The following OPTN variants were observed in gnomAD, a reference collection of about 807,000 sequenced individuals.
OPTN encodes optineurin.
OPTN carries 54 observed loss-of-function variants against 70.4 expected under a neutral mutation model. The ratio of observed to expected loss-of-function variants is 0.77; its 90% confidence interval spans 0.62 to 0.96. The LOEUF (loss-of-function observed/expected upper bound fraction) is 0.96. Ranked by LOEUF, OPTN falls within the 40% of genes least tolerant of loss-of-function variation. The probability of loss-of-function intolerance (pLI) is 0.00; values close to 1 mark genes in which losing one functional copy is unlikely to be tolerated. For synonymous variants in OPTN, 256 were observed against 248.5 expected (o/e 1.03, Z -0.28); for missense variants, 624 against 673.2 (o/e 0.93, Z 0.81).
In OPTN at chr10:13,117,372, G is replaced by A. The variant is rs1338123473; in HGVS notation, c.626+1032G>A. Among the ~76,000 whole-genome samples the A allele has an allele frequency of 7.5e-5, 11 of 147,062 alleles. No homozygotes were observed. The South Asian group carries it at 1.5e-3, about 20-fold the overall frequency. ...TGGGATTACAGGCATGAGCCACCGC[G>A]CCCGGCCAGGATCTCTTATCTCACA... On this transcript the variant is annotated intron_variant, in intron 6 of 14. Coordinates refer to ENST00000378747, the MANE Select transcript of OPTN (RefSeq NM_001008212.2).
chr10:13,124,292 G>A (rs1042900468), intron 9 of OPTN, among the ~76,000 whole-genome samples, 182 bp downstream of exon 9: 7 of 152,230 alleles, frequency 4.6e-5, no homozygotes, highest in Admixed American at 3.3e-4. Flanking sequence ...ATACTTGTAA[G>A]ATGGGGGGTT....
Position 13,125,299 on chromosome 10 carries a change from C to T in OPTN, c.999-119C>T, listed in dbSNP as rs12416463. On this transcript the variant is annotated intron_variant, in intron 9 of 14. Transcript: ENST00000378747. ...AAGGAGGATTATGTATTTCATTTTG[C>T]ATTCATAAACCCTACAGCCCTAAAA... 6.1e-3 allele frequency: 6,516 copies of T among 1,061,252 alleles called. 297 individuals carry two copies. The Admixed American group carries it at 0.088, about 14-fold the overall frequency. 65.7% of individuals were successfully genotyped at this position (1,061,252 alleles called of 1,614,324 possible).
At chr10:13,116,373 A>G in intron 6 of OPTN, 33 bp downstream of exon 6, 2 of 1,542,590 alleles carry the variant, frequency 1.3e-6, no homozygotes, top group Non-Finnish European at 1.8e-6. Context: ...TGTCAGGCAG[A>G]CAGGCTGGGC....
At chr10:13,104,235 GTTAAA>G (rs1030185241) in intron 1 of OPTN, among the ~76,000 whole-genome samples, 13 of 145,532 alleles carry the variant, frequency 8.9e-5, no homozygotes, top group Admixed American at 2.1e-4. Flanking sequence ...TCCAAAATCA[GTTAAA>G]TTAGTTTTTT....
intron 4 of OPTN, among the ~76,000 whole-genome samples, chr10:13,111,813 C>CCTTAGT (rs1471980425): frequency 1.2e-4 from 18 of 149,092 alleles, no homozygotes; most frequent in Admixed American, 6.0e-4. Context: ...ATGGCCAGGT[C>CCTTAGT]CTTAGTTTGA....
At chr10:13,109,436 A>T (rs755019334) in intron 3 of OPTN, 148 bp downstream of exon 3, 1 of 734,834 alleles carries the variant, frequency 1.4e-6, no homozygotes, top group Non-Finnish European at 2.3e-6. Context: ...GCATTTGGCA[A>T]GGCTAAATCT....
intron 14 of OPTN, 89 bp downstream of exon 14, chr10:13,133,670 G>A (rs1833638687): frequency 1.6e-6 from 2 of 1,214,384 alleles, no homozygotes; most frequent in African/African-American, 1.5e-5. Context: ...TCTCTACAAT[G>A]GATTCCAAAT....
At chr10:13,113,754 A>G (rs1316003447) in intron 5 of OPTN, among the ~76,000 whole-genome samples, 1 of 152,202 alleles carries the variant, frequency 6.6e-6, no homozygotes, top group Non-Finnish European at 1.5e-5. Flanking sequence ...CAGAGTACAT[A>G]TCTGATACAG....
intron 12 of OPTN, 67 bp downstream of exon 12, chr10:13,127,970 A>G: frequency 6.6e-7 from 1 of 1,518,514 alleles, no homozygotes; most frequent in Non-Finnish European, 9.1e-7. Context: ...ATTGGAAAGC[A>G]ATGGTGTTTA....
In OPTN at chr10:13,123,208, T is replaced by C. The variant is rs182523334; in HGVS notation, c.882+721T>C. On this transcript the variant is annotated intron_variant, in intron 8 of 14. Coordinates refer to ENST00000378747, the MANE Select transcript of OPTN (RefSeq NM_001008212.2). Reference sequence around the variant, plus strand: ...TAGTTTGAAAGGAAAAGGTTCACTGTTGTCTTGTTCAGTGTTGTCTGGTAA... The same window carrying C: ...TAGTTTGAAAGGAAAAGGTTCACTGCTGTCTTGTTCAGTGTTGTCTGGTAA... 2.0e-5 allele frequency: 3 copies of C among 153,692 alleles called. No homozygotes were observed. The East Asian group carries it at 5.8e-4, about 30-fold the overall frequency. 9.5% of individuals were successfully genotyped at this position (153,692 alleles called of 1,614,324 possible). A position where few individuals can be genotyped will look rare whatever the true frequency, so the allele number is the denominator to read the frequency against.
chr10:13,118,426 A>C (rs1833267000), intron 6 of OPTN, among the ~76,000 whole-genome samples: 1 of 152,206 alleles, frequency 6.6e-6, no homozygotes, highest in Non-Finnish European at 1.5e-5. Context: ...CAAGTGAAAA[A>C]GGTTTTCTCC....
intron 14 of OPTN, among the ~76,000 whole-genome samples, chr10:13,134,707 C>T (rs551371108): frequency 1.3e-5 from 2 of 151,974 alleles, no homozygotes; most frequent in African/African-American, 2.4e-5. Flanking sequence ...GGATTACAGG[C>T]GTGAGCCACC....
Position 13,110,034 on chromosome 10 carries a change from G to A in OPTN, c.167-240G>A, listed in dbSNP as rs1001570403. 33 of 572,774 alleles carry A rather than the reference G, an allele frequency of 5.8e-5. 2 individuals carry two copies. Among genetic ancestry groups the A allele is most frequent in the South Asian group, 5.7e-4 (28 of 49,352 alleles). The allele number at this position is 572,774 out of a possible 1,614,324, so 35.5% of individuals were successfully genotyped here. On this transcript the variant is annotated intron_variant, in intron 3 of 14. Coordinates refer to ENST00000378747, the MANE Select transcript of OPTN (RefSeq NM_001008212.2). The stretch of plus-strand genomic sequence containing the variant: ...ATTTAGATATTTGTGCTGTAGTGGC[G>A]GTACCCAAATCCACTTTATTTTCTT...
chr10:13,125,887 A>C, intron 10 of OPTN, 59 bp from the exon 11 acceptor site: 1 of 1,268,204 alleles, frequency 7.9e-7, no homozygotes, highest in Non-Finnish European at 1.2e-6. Flanking sequence ...GGGAGGCAAG[A>C]CTATAAGTTT....
chr10:13,104,529 T>C (rs1378135997), intron 1 of OPTN: 1 of 491,292 alleles, frequency 2.0e-6, no homozygotes, highest in Non-Finnish European at 3.9e-6. Context: ...ACAGGCCCTA[T>C]GGAGAGAGGA....
intron 1 of OPTN, among the ~76,000 whole-genome samples, chr10:13,106,949 C>T (rs971325045): frequency 1.3e-5 from 2 of 152,138 alleles, no homozygotes; most frequent in Admixed American, 6.5e-5. Context: ...GCCTTTCCCC[C>T]GTTAGAAATG....
In OPTN at chr10:13,132,068, T is replaced by G. The variant is rs747481280; in HGVS notation, c.1403T>G (p.Met468Arg). The change falls in exon 13 of 15, where the codon ATG becomes AGG. Residue 468 changes from methionine to arginine, a missense_variant and splice_region_variant. Transcript: ENST00000378747. ...LETMTILRAQ[M>R]EVYCSDFHAE... Reference sequence around the variant, plus strand: ...CTGTATCTTTTTTTCCTCTAACAGATGGAAGTTTACTGTTCTGATTTTCAT... The same window carrying G: ...CTGTATCTTTTTTTCCTCTAACAGAGGGAAGTTTACTGTTCTGATTTTCAT... 9 of 1,612,248 alleles carry G rather than the reference T, an allele frequency of 5.6e-6. No homozygotes were observed. The highest frequency in any genetic ancestry group is 7.6e-6 in the Non-Finnish European group (9 of 1,178,682).
intron 6 of OPTN, among the ~76,000 whole-genome samples, chr10:13,118,116 T>C (rs1055947573): frequency 2.0e-5 from 3 of 152,264 alleles, no homozygotes; most frequent in African/African-American, 7.2e-5. Flanking sequence ...ATAACAGCTC[T>C]GTACCATTTG....
chr10:13,135,959 G>T (rs1389267115), intron 14 of OPTN, among the ~76,000 whole-genome samples: 2 of 152,202 alleles, frequency 1.3e-5, no homozygotes, highest in African/African-American at 4.8e-5. Context: ...GGCTGAGATG[G>T]AAGGATCAGT....
Sources: gnomAD v4.1 joint callset for allele counts (sites outside exome capture counted in the v4.1 genomes callset) on GRCh38, gnomAD v4.1.1 for gene constraint, MANE v1.5 for transcripts, NCBI Gene and HGNC (gene_info 2026-07-23, HGNC 2026-07-21) for gene names.